CTNNA2: variants seen among roughly 807,000 people sequenced by gnomAD.
The protein encoded by CTNNA2 is catenin alpha 2.
CTNNA2 carries 42 observed loss-of-function variants against 101.0 expected under a neutral mutation model. The observed-to-expected ratio is 0.42, with a 90% CI of 0.32 to 0.54. The LOEUF is 0.54. CTNNA2 is among the 20% of genes least tolerant of loss of function. The pLI is 0.14. For missense variants in CTNNA2, 871 were observed against 1,223.1 expected (o/e 0.71, Z 4.29); for synonymous variants, 450 against 456.4 (o/e 0.99, Z 0.18).
rs767925695 is a variant in CTNNA2 at position 79,651,600 on chromosome 2, A to G, written c.44A>G (p.Lys15Arg). ...CCTATCATTCTGAAATGGGACCCCA[A>G]AAGTTTGGAAATCCGGACGCTAACA... ...TSPIILKWDP[K>R]SLEIRTLTVE... The change falls in exon 2 of 19, where the codon AAA becomes AGA. Residue 15 changes from lysine (K) to arginine (R), a missense_variant. Coordinates refer to ENST00000402739, the MANE Select transcript of CTNNA2 (RefSeq NM_001282597.3). The G allele has an allele frequency of 3.7e-6, 6 of 1,613,746 alleles. No homozygotes were observed. In the South Asian group the frequency reaches 4.4e-5, roughly 12 times the overall value.
At chr2:80,496,281 T>C (rs1687460088) in intron 9 of CTNNA2, among the ~76,000 whole-genome samples, 1 of 152,160 alleles carries the variant, frequency 6.6e-6, no homozygotes, top group African/African-American at 2.4e-5. Context: ...ATTTCTCTTC[T>C]ATGGGCTGGC....
intron 7 of CTNNA2, among the ~76,000 whole-genome samples, chr2:80,014,532 A>T (rs1378683907): frequency 1.3e-5 from 2 of 152,154 alleles, no homozygotes; most frequent in Non-Finnish European, 2.9e-5. Context: ...AAAGTTTTTG[A>T]ACCATAGTGA....
intron 1 of CTNNA2, among the ~76,000 whole-genome samples, chr2:79,534,911 A>C (rs984609257): frequency 2.6e-5 from 4 of 151,748 alleles, no homozygotes; most frequent in African/African-American, 9.7e-5. Context: ...TGAAAAAAAA[A>C]AACTCCTGCA....
intron 3 of CTNNA2, among the ~76,000 whole-genome samples, chr2:79,847,981 A>G (rs1158442224): frequency 6.6e-6 from 1 of 152,222 alleles, no homozygotes; most frequent in African/African-American, 2.4e-5. Context: ...CAGGGTACTG[A>G]CATTTCAGTG....
intron 3 of CTNNA2, among the ~76,000 whole-genome samples, chr2:79,333,578 G>A (rs1052551053): frequency 6.6e-6 from 1 of 152,052 alleles, no homozygotes; most frequent in Non-Finnish European, 1.5e-5. Flanking sequence ...ATTTATTCCT[G>A]TATGCATAAC....
chr2:80,224,365 T>C (rs1190880914), intron 7 of CTNNA2, among the ~76,000 whole-genome samples: 2 of 152,356 alleles, frequency 1.3e-5, no homozygotes, highest in East Asian at 3.9e-4. Flanking sequence ...GGCATACTCA[T>C]GGCTTGTATC....
intron 11 of CTNNA2, among the ~76,000 whole-genome samples, chr2:80,552,658 T>C (rs13399081): frequency 0.47 from 71,125 of 151,982 alleles, 17,040 homozygotes; most frequent in South Asian, 0.6. Flanking sequence ...CTAGATGGTA[T>C]TGCTTACTGC....
chr2:80,422,599 G>A (rs1330467082), intron 9 of CTNNA2, among the ~76,000 whole-genome samples: 9 of 151,916 alleles, frequency 5.9e-5, no homozygotes, highest in Non-Finnish European at 1.5e-5. Context: ...ACTTTAATTA[G>A]GTCAAGCTAG....
intron 9 of CTNNA2, among the ~76,000 whole-genome samples, chr2:80,501,398 T>G (rs1215215916): frequency 6.6e-6 from 1 of 152,194 alleles, no homozygotes; most frequent in South Asian, 2.1e-4. Context: ...AACAAATCCC[T>G]TAGACATTTG....
intron 7 of CTNNA2, among the ~76,000 whole-genome samples, chr2:80,238,924 A>G (rs1573481506): frequency 6.6e-6 from 1 of 152,204 alleles, no homozygotes. Context: ...GTCGGCTGGG[A>G]GGCTTAATAT....
At chr2:80,609,615 T>C (rs1573446851) in intron 17 of CTNNA2, among the ~76,000 whole-genome samples, 1 of 151,806 alleles carries the variant, frequency 6.6e-6, no homozygotes, top group Admixed American at 6.6e-5. Context: ...TCATTGCATC[T>C]TCCTTGCTGC....
intron 2 of CTNNA2, among the ~76,000 whole-genome samples, chr2:79,212,399 C>T (rs4853439): frequency 0.39 from 59,594 of 151,928 alleles, 13,712 homozygotes; most frequent in Non-Finnish European, 0.5. Context: ...ATGGGCTGTA[C>T]CCTGTAGCAT....
chr2:80,570,526 C>G (rs577204149), intron 12 of CTNNA2, among the ~76,000 whole-genome samples: 1 of 152,196 alleles, frequency 6.6e-6, no homozygotes, highest in South Asian at 2.1e-4. Flanking sequence ...CCCAGAAAAA[C>G]ACTGACTTAT....
intron 3 of CTNNA2, among the ~76,000 whole-genome samples, chr2:79,838,210 A>G (rs1013349752): frequency 6.6e-5 from 10 of 152,172 alleles, no homozygotes; most frequent in Non-Finnish European, 1.3e-4. Context: ...GGATTTAATG[A>G]AAGTTGAGGG....
At chr2:79,935,822 C>G (rs1687752141) in intron 7 of CTNNA2, among the ~76,000 whole-genome samples, 1 of 152,314 alleles carries the variant, frequency 6.6e-6, no homozygotes, top group African/African-American at 2.4e-5. Flanking sequence ...TTTTTCCTTG[C>G]AGAGATTTCC....
intron 7 of CTNNA2, among the ~76,000 whole-genome samples, chr2:80,191,612 T>C (rs1464232834): frequency 6.6e-6 from 1 of 152,226 alleles, no homozygotes; most frequent in Non-Finnish European, 1.5e-5. Flanking sequence ...ATGTAGTCTC[T>C]TGAGTCATCT....
chr2:79,923,875 T>C (rs1455213561), intron 7 of CTNNA2, among the ~76,000 whole-genome samples: 1 of 152,094 alleles, frequency 6.6e-6, no homozygotes, highest in Non-Finnish European at 1.5e-5. Context: ...GGAAAGTAAA[T>C]TAGTGCAGCT....
intron 7 of CTNNA2, among the ~76,000 whole-genome samples, chr2:80,105,138 A>G (rs1700797734): frequency 6.6e-6 from 1 of 152,324 alleles, no homozygotes; most frequent in African/African-American, 2.4e-5. Flanking sequence ...TCAGTTCCTT[A>G]CTATTCTCTG....
intron 1 of CTNNA2, among the ~76,000 whole-genome samples, chr2:79,537,987 T>C (rs1013063434): frequency 6.6e-6 from 1 of 152,130 alleles, no homozygotes; most frequent in African/African-American, 2.4e-5. Flanking sequence ...TTGATTCTAC[T>C]TTTGGAAGGA....
Sources: allele counts gnomAD v4.1 joint callset (sites outside exome capture counted in the v4.1 genomes callset), GRCh38; gene constraint gnomAD v4.1.1; transcripts MANE v1.5; gene names NCBI Gene and HGNC (gene_info 2026-07-23, HGNC 2026-07-21).